The following ADGRV1 variants were observed in gnomAD, a reference collection of about 807,000 sequenced individuals.
ADGRV1 encodes the protein G-protein coupled receptor 98.
ADGRV1 carries 359 observed loss-of-function variants against 596.2 expected under a neutral mutation model. The ratio of observed to expected loss-of-function variants is 0.60; its 90% CI spans 0.55 to 0.66. ADGRV1 has a LOEUF of 0.66. Among genes scored for constraint, ADGRV1 ranks in the 30% least tolerant of loss-of-function variants. The pLI is 0.00. For synonymous variants in ADGRV1, 2,681 were observed against 2,679.2 expected (o/e 1.00, Z -0.02); for missense variants, 7,274 against 7,575.6 (o/e 0.96, Z 1.48).
chr5:90,924,271 T>C, intron 83 of ADGRV1, among the ~76,000 whole-genome samples: 1 of 151,318 alleles, frequency 6.6e-6, no homozygotes, highest in East Asian at 1.9e-4. Flanking sequence ...TTCCTATTTC[T>C]CCACATCCTC....
In ADGRV1 at chr5:90,754,966, G is replaced by A; in HGVS notation, c.11378-17G>A. ...AAATAGAAAAGACTATTTACTCGTG[G>A]CATGTTTCTCTCACAGAAAACACCA... is the stretch of plus-strand genomic sequence containing the variant. On this transcript the variant is annotated splice_polypyrimidine_tract_variant and intron_variant, in intron 54 of 89. Coordinates refer to ENST00000405460, the MANE Select transcript of ADGRV1 (RefSeq NM_032119.4). The A allele has an allele frequency of 6.4e-7, 1 of 1,571,084 alleles. No homozygotes were observed. Among genetic ancestry groups the A allele is most frequent in the East Asian group, 2.2e-5 (1 of 44,656 alleles).
Position 90,615,007 on chromosome 5 carries a change from T to C in ADGRV1, c.195T>C (p.Thr65=). Residue 65 remains threonine (T), a synonymous_variant, in exon 2 of 90, where the codon ACT becomes ACC. Transcript: ENST00000405460. ...GGATAGGAGAGCCAGCAAATGTTACTGCAATTGTATCGGTAAGAAATTATT... is the reference window on the plus strand; with the variant it reads ...GGATAGGAGAGCCAGCAAATGTTACCGCAATTGTATCGGTAAGAAATTATT... ...IERIGEPANV[T]AIVSLYGEDA... 1 of 1,449,846 alleles carries C rather than the reference T, an allele frequency of 6.9e-7. No homozygotes were observed. The highest frequency in any genetic ancestry group is 9.2e-7 in the Non-Finnish European group (1 of 1,092,386). The allele number at this position is 1,449,846 out of a possible 1,614,324, so 89.8% of individuals were successfully genotyped here.
chr5:90,766,922 G>T (rs555017484), intron 59 of ADGRV1, among the ~76,000 whole-genome samples: 2 of 152,114 alleles, frequency 1.3e-5, no homozygotes, highest in African/African-American at 4.8e-5. Context: ...TCAAAAGAAG[G>T]TGGGGAAGCA....
At chr5:91,013,206 A>G (rs1239130496) in intron 85 of ADGRV1, among the ~76,000 whole-genome samples, 1 of 152,016 alleles carries the variant, frequency 6.6e-6, no homozygotes, top group Non-Finnish European at 1.5e-5. Flanking sequence ...ATGTGTCTTT[A>G]TGATAGAATG....
rs370103595 is a variant in ADGRV1, at chr5:90,807,654, G to A, written c.14889G>A (p.Thr4963=). 7.9e-5 allele frequency: 127 copies of A among 1,612,896 alleles called. No individual in the cohort carries two copies. The highest frequency in any genetic ancestry group is 3.3e-4 in the Middle Eastern group (2 of 6,080). ...AAAGGAAAGGAGTTTTCCTGTGGACGTTTCCTAGCCCTGGTTGGCCAGAGG... is the reference window on the plus strand; with the variant it reads ...AAAGGAAAGGAGTTTTCCTGTGGACATTTCCTAGCCCTGGTTGGCCAGAGG... ...GEQRKGVFLW[T]FPSPGWPEAF... is the part of the protein sequence containing the mutation. Residue 4963 remains threonine, a synonymous_variant, in exon 73 of 90, where the codon ACG becomes ACA. Transcript: ENST00000405460.
intron 83 of ADGRV1, among the ~76,000 whole-genome samples, chr5:90,922,158 C>G (rs778558736): frequency 6.6e-6 from 1 of 152,204 alleles, no homozygotes; most frequent in Non-Finnish European, 1.5e-5. Context: ...TTCTTTACCT[C>G]GTTTCACTGC....
chr5:90,871,322 A>G (rs1042278089), intron 83 of ADGRV1, among the ~76,000 whole-genome samples: 1 of 152,098 alleles, frequency 6.6e-6, no homozygotes, highest in African/African-American at 2.4e-5. Context: ...ATTTTCCTTT[A>G]TGTATCAAAT....
Position 90,776,542 on chromosome 5 carries a change from C to A in ADGRV1, c.12493C>A (p.Pro4165Thr), listed in dbSNP as rs970882810. 2 of 1,613,190 alleles carry A rather than the reference C, an allele frequency of 1.2e-6. No individual in the cohort carries two copies. Among genetic ancestry groups the A allele is most frequent in the Admixed American group, 1.7e-5 (1 of 59,926 alleles). ...ATCTAGGCACATCCTCATTGGGGAACCCTCAGCAAAATATAATGGTACCGC... is the reference window on the plus strand; with the variant it reads ...ATCTAGGCACATCCTCATTGGGGAAACCTCAGCAAAATATAATGGTACCGC... ...PSSRHILIGE[P>T]SAKYNGTAII... The change falls in exon 61 of 90, where the codon CCC (proline) becomes ACC (threonine). Residue 4165 changes from proline to threonine, a missense_variant. By Grantham distance (38) the Pro-to-Thr change is conservative. Transcript: ENST00000405460.
chr5:90,686,453 G>A (rs1478167546), intron 29 of ADGRV1, among the ~76,000 whole-genome samples: 1 of 152,066 alleles, frequency 6.6e-6, no homozygotes, highest in African/African-American at 2.4e-5. Context: ...CTATGAGTGA[G>A]AATATGCAGT....
intron 85 of ADGRV1, among the ~76,000 whole-genome samples, chr5:90,991,798 A>G (rs1040649237): frequency 1.3e-5 from 2 of 152,234 alleles, no homozygotes; most frequent in African/African-American, 4.8e-5. Context: ...AACTAAGTAG[A>G]AGTAATTGTA....
chr5:90,703,868 A>C, intron 35 of ADGRV1, 73 bp downstream of exon 35: 1 of 1,052,116 alleles, frequency 9.5e-7, no homozygotes, highest in Non-Finnish European at 1.4e-6. Context: ...TGGGATAGAA[A>C]AGCAGCACTA....
rs779821643 is a variant in ADGRV1 at position 90,690,868 on chromosome 5, C to A, written c.6778C>A (p.Arg2260=). Residue 2260 remains arginine (R), a synonymous_variant, in exon 31 of 90, where the codon CGA becomes AGA. Transcript: ENST00000405460. ...NSVKVNLPII[R]NSGTLGNVTV... is the part of the protein sequence containing the mutation. Reference sequence around the variant, plus strand: ...AGTGAAGGTAAACCTGCCAATAATTCGAAATTCTGGGACACTCGGCAATGT... The same window carrying A: ...AGTGAAGGTAAACCTGCCAATAATTAGAAATTCTGGGACACTCGGCAATGT... 4 of 1,611,814 alleles carry A rather than the reference C, an allele frequency of 2.5e-6. No homozygotes were observed. Among genetic ancestry groups the A allele is most frequent in the Non-Finnish European group, 3.4e-6 (4 of 1,178,858 alleles).
rs561849927 is a variant in ADGRV1, at chr5:90,989,500, A to G, written c.18152+3978A>G. Among the ~76,000 whole-genome samples the G allele has an allele frequency of 3.9e-5, 6 of 152,232 alleles. No individual in the cohort carries two copies. In the South Asian group the frequency reaches 1.2e-3, roughly 32 times the overall value. On this transcript the variant is annotated intron_variant, in intron 85 of 89. Coordinates refer to ENST00000405460, the MANE Select transcript of ADGRV1 (RefSeq NM_032119.4). ...CCTAATCCAGTTTCTCATTTCAACC[A>G]TCATCTCTTATTTCATCTCTTCAGT... is the stretch of plus-strand genomic sequence containing the variant.
intron 65 of ADGRV1, 119 bp from the exon 66 acceptor site, chr5:90,783,005 T>C (rs1397144009): frequency 1.5e-5 from 11 of 756,306 alleles, no homozygotes; most frequent in Non-Finnish European, 2.5e-5. Flanking sequence ...AAAAGAACTA[T>C]GAAAACATAG....
chr5:90,709,055 T>C, intron 39 of ADGRV1, 146 bp downstream of exon 39: 1 of 548,776 alleles, frequency 1.8e-6, no homozygotes, highest in South Asian at 3.3e-5. Context: ...TTATTTTTGA[T>C]ACTCTCATAT....
chr5:90,627,915 A>AAAACACACAC, intron 7 of ADGRV1, 139 bp downstream of exon 7: 1 of 317,610 alleles, frequency 3.1e-6, no homozygotes, highest in South Asian at 5.4e-5. Flanking sequence ...AAACTCAGAA[A>AAAACACACAC]AGACACACAC....
Position 90,690,940 on chromosome 5 carries a change from G to T in ADGRV1, c.6850G>T (p.Asp2284Tyr). 1 of 1,613,808 alleles carries T rather than the reference G, an allele frequency of 6.2e-7. No homozygotes were observed. Among genetic ancestry groups the T allele is most frequent in the Non-Finnish European group, 8.5e-7 (1 of 1,179,800 alleles). Residue 2284 changes from aspartate to tyrosine, a missense_variant, in exon 31 of 90, where the codon GAC (aspartate) becomes TAC (tyrosine). Physicochemically the swap from Asp to Tyr is radical, Grantham distance 160. Coordinates refer to ENST00000405460, the MANE Select transcript of ADGRV1 (RefSeq NM_032119.4). ...ATINGQLATG[D>Y]LRVVSGNVTF... ...CATTAATGGACAGCTTGCTACTGGC[G>T]ACCTGCGAGTTGTCTCAGGTAATGT...
chr5:91,004,426 C>T (rs571255769), intron 85 of ADGRV1, among the ~76,000 whole-genome samples: 6 of 151,656 alleles, frequency 4.0e-5, no homozygotes, highest in Non-Finnish European at 5.9e-5. Context: ...TGAATCCTCC[C>T]GGTCCTAAAA....
intron 87 of ADGRV1, among the ~76,000 whole-genome samples, chr5:91,117,617 G>A (rs921053176): frequency 2.6e-5 from 4 of 152,154 alleles, no homozygotes; most frequent in African/African-American, 9.7e-5. Context: ...TGAAAGAAGA[G>A]TACCTTTTGT....
Sources: gnomAD v4.1 joint callset for allele counts (sites outside exome capture counted in the v4.1 genomes callset) on GRCh38, gnomAD v4.1.1 for gene constraint, MANE v1.5 for transcripts, NCBI Gene and HGNC (gene_info 2026-07-23, HGNC 2026-07-21) for gene names.